The following CDH13 variants were observed in gnomAD, a reference collection of about 807,000 sequenced individuals.
The protein encoded by CDH13 is cadherin-13.
A neutral mutation model predicts 63.8 loss-of-function variants in CDH13; 24 were observed. The ratio of observed to expected loss-of-function variants is 0.38; its 90% confidence interval spans 0.27 to 0.53. CDH13 has a LOEUF of 0.53. Ranked by LOEUF, CDH13 falls within the 20% of genes least tolerant of loss-of-function variation. The pLI, the probability that CDH13 is intolerant of heterozygous loss-of-function variation, is 0.85. For synonymous variants in CDH13, 503 were observed against 355.3 expected (o/e 1.42, Z -4.67); for missense variants, 1,049 against 903.1 (o/e 1.16, Z -2.07).
intron 7 of CDH13, among the ~76,000 whole-genome samples, chr16:83,497,400 CTA>C (rs1034304407): frequency 1.1e-4 from 16 of 151,900 alleles, no homozygotes; most frequent in African/African-American, 3.1e-4. Context: ...TCTCAGTAAA[CTA>C]TCACAAGAAC....
At chr16:82,964,433 A>T (rs567834584) in intron 2 of CDH13, among the ~76,000 whole-genome samples, 5 of 152,338 alleles carry the variant, frequency 3.3e-5, no homozygotes, top group Middle Eastern at 6.8e-3. Flanking sequence ...AAAAGCAGAC[A>T]GCGGCTTAGC....
chr16:83,477,450 C>G (rs2073634397), intron 6 of CDH13, among the ~76,000 whole-genome samples: 1 of 152,164 alleles, frequency 6.6e-6, no homozygotes, highest in Non-Finnish European at 1.5e-5. Context: ...TTAAGGCATT[C>G]TCATTTTAAA....
intron 6 of CDH13, among the ~76,000 whole-genome samples, chr16:83,348,361 C>G (rs2090882943): frequency 1.3e-5 from 2 of 152,318 alleles, no homozygotes; most frequent in Admixed American, 1.3e-4. Flanking sequence ...GATGAAATAG[C>G]CAGGCCCATT....
chr16:83,728,536 T>G (rs1367197505), intron 10 of CDH13, among the ~76,000 whole-genome samples: 1 of 152,158 alleles, frequency 6.6e-6, no homozygotes, highest in Non-Finnish European at 1.5e-5. Flanking sequence ...AATGCTCATC[T>G]TTGTAATTTA....
intron 2 of CDH13, among the ~76,000 whole-genome samples, chr16:82,862,623 A>T (rs565065790): frequency 6.6e-6 from 1 of 152,204 alleles, no homozygotes; most frequent in African/African-American, 2.4e-5. Context: ...ACATGCAAAC[A>T]TAGACACATA....
intron 4 of CDH13, among the ~76,000 whole-genome samples, chr16:83,168,067 G>A (rs1359273211): frequency 1.3e-5 from 2 of 151,828 alleles, no homozygotes; most frequent in African/African-American, 4.8e-5. Context: ...GGGAAAGAGG[G>A]GTATGAGGGT....
At chr16:83,736,904 C>G (rs1165199738) in intron 10 of CDH13, among the ~76,000 whole-genome samples, 1 of 152,208 alleles carries the variant, frequency 6.6e-6, no homozygotes, top group Non-Finnish European at 1.5e-5. Flanking sequence ...TTGCCTGGAA[C>G]AGGTGGTGAG....
intron 1 of CDH13, among the ~76,000 whole-genome samples, chr16:82,696,317 T>G (rs555150827): frequency 5.3e-5 from 8 of 152,336 alleles, no homozygotes; most frequent in African/African-American, 1.9e-4. Context: ...TATATATAAA[T>G]GAAAGATTAC....
rs142704660 is a variant in CDH13 at position 83,125,426 on chromosome 16, A to G, written c.408A>G (p.Gln136=). Residue 136 remains glutamine (Q), a synonymous_variant, in exon 4 of 14, where the codon CAA becomes CAG. Transcript: ENST00000567109. The part of the protein sequence containing the change: ...KFARTSPVPR[Q]KRSIVVSPIL... ...CAAGAACTTCTCCTGTCCCAAGACA[A>G]AAGAGGTCCATTGTGGTATCTCCCA... 1.7e-4 allele frequency: 273 copies of G among 1,611,366 alleles called. 1 individual carries two copies. In the East Asian group the frequency reaches 6.0e-3, roughly 35 times the overall value.
intron 3 of CDH13, among the ~76,000 whole-genome samples, chr16:83,064,374 A>T (rs13337983): frequency 6.6e-6 from 1 of 152,190 alleles, no homozygotes; most frequent in African/African-American, 2.4e-5. Flanking sequence ...CTCAAAAAAA[A>T]GAAAGTTATA....
chr16:83,064,382 A>G (rs889692289), intron 3 of CDH13, among the ~76,000 whole-genome samples: 1 of 152,146 alleles, frequency 6.6e-6, no homozygotes, highest in African/African-American at 2.4e-5. Flanking sequence ...AAAGAAAGTT[A>G]TATGAGTATT....
intron 1 of CDH13, among the ~76,000 whole-genome samples, chr16:82,718,038 C>G (rs952823806): frequency 6.6e-6 from 1 of 152,146 alleles, no homozygotes. Context: ...GACCCTGCAA[C>G]GATGATTTGT....
At chr16:82,924,747 A>T (rs1201003745) in intron 2 of CDH13, among the ~76,000 whole-genome samples, 1 of 152,186 alleles carries the variant, frequency 6.6e-6, no homozygotes. Flanking sequence ...TTCTCAGAAT[A>T]CAGAATGATG....
intron 6 of CDH13, among the ~76,000 whole-genome samples, chr16:83,457,442 C>G (rs117970091): frequency 6.6e-6 from 1 of 152,144 alleles, no homozygotes; most frequent in African/African-American, 2.4e-5. Flanking sequence ...GCCCCAGACA[C>G]GTCACTTACC....
intron 1 of CDH13, among the ~76,000 whole-genome samples, chr16:82,733,311 T>C (rs1296827745): frequency 6.6e-6 from 1 of 152,186 alleles, no homozygotes. Context: ...ACGGAGTGAG[T>C]TGTCCATAAA....
chr16:82,980,642 C>A (rs1166592443), intron 2 of CDH13, among the ~76,000 whole-genome samples: 4 of 152,128 alleles, frequency 2.6e-5, no homozygotes, highest in African/African-American at 7.2e-5. Context: ...TCTCCGTGTT[C>A]TCTAGTAGAA....
intron 11 of CDH13, among the ~76,000 whole-genome samples, chr16:83,753,815 G>GA (rs2150979145): frequency 6.6e-6 from 1 of 151,884 alleles, no homozygotes; most frequent in Non-Finnish European, 1.5e-5. Context: ...TGTGAAACTA[G>GA]AAAAATCTAG....
intron 7 of CDH13, among the ~76,000 whole-genome samples, chr16:83,570,970 TA>T (rs1325079561): frequency 8.0e-6 from 1 of 124,310 alleles, no homozygotes; most frequent in Non-Finnish European, 1.6e-5. Flanking sequence ...TATATATATA[TA>T]AAAACCTTCT....
intron 8 of CDH13, among the ~76,000 whole-genome samples, chr16:83,619,070 G>A (rs931055078): frequency 6.6e-6 from 1 of 152,230 alleles, no homozygotes; most frequent in Non-Finnish European, 1.5e-5. Flanking sequence ...TGCTTTGCCT[G>A]TGTGTGCCTG....
Sources: allele counts gnomAD v4.1 joint callset (sites outside exome capture counted in the v4.1 genomes callset), GRCh38; gene constraint gnomAD v4.1.1; transcripts MANE v1.5; gene names NCBI Gene and HGNC (gene_info 2026-07-23, HGNC 2026-07-21).